Variants in CHN1 observed in about 807,000 individuals in gnomAD.
The protein encoded by CHN1 is N-chimaerin.
A neutral mutation model predicts 59.5 loss-of-function variants in CHN1; 37 were observed. The observed-to-expected ratio is 0.62, with a 90% confidence interval of 0.48 to 0.82. The LOEUF is 0.82. Among genes scored for constraint, CHN1 ranks in the 40% least tolerant of loss-of-function variants. CHN1 has a pLI of 0.00. For synonymous variants in CHN1, 206 were observed against 200.4 expected (o/e 1.03, Z -0.24); for missense variants, 469 against 571.0 (o/e 0.82, Z 1.82).
At chr2:174,990,318 T>TG (rs1342477707) in intron 1 of CHN1, among the ~76,000 whole-genome samples, 4 of 72,174 alleles carry the variant, frequency 5.5e-5, no homozygotes, top group Non-Finnish European at 8.5e-5. Context: ...TGCGAGGTCG[T>TG]GGGGGGGTGC....
chr2:174,952,942 C>T (rs1310738590), intron 1 of CHN1, among the ~76,000 whole-genome samples: 1 of 152,134 alleles, frequency 6.6e-6, no homozygotes, highest in Non-Finnish European at 1.5e-5. Flanking sequence ...GAAGAAGGGG[C>T]CAGTGTAGCT....
At chr2:174,830,583 C>T (rs1685845004) in intron 7 of CHN1, among the ~76,000 whole-genome samples, 1 of 152,226 alleles carries the variant, frequency 6.6e-6, no homozygotes, top group Non-Finnish European at 1.5e-5. Context: ...TCCTAGTCTT[C>T]TTGTCCTGAT....
At chr2:174,912,149 G>A (rs1211800078) in intron 5 of CHN1, among the ~76,000 whole-genome samples, 2 of 151,466 alleles carry the variant, frequency 1.3e-5, no homozygotes, top group South Asian at 2.1e-4. Flanking sequence ...TGAAAAGAAA[G>A]GTATGGCTCC....
chr2:174,945,971 TCTCTAC>T (rs1689823390), intron 2 of CHN1, among the ~76,000 whole-genome samples: 1 of 150,658 alleles, frequency 6.6e-6, no homozygotes, highest in African/African-American at 2.5e-5. Context: ...ATACTATCTC[TCTCTAC>T]ACACACACAC....
intron 9 of CHN1, among the ~76,000 whole-genome samples, 157 bp from the exon 10 acceptor site, chr2:174,811,745 C>T (rs560695210): frequency 5.3e-5 from 8 of 152,188 alleles, no homozygotes; most frequent in Non-Finnish European, 1.0e-4. Context: ...CGATTTCACA[C>T]ACAGTTCTTT....
intron 1 of CHN1, among the ~76,000 whole-genome samples, chr2:174,966,135 A>G (rs969037971): frequency 6.6e-6 from 1 of 152,178 alleles, no homozygotes; most frequent in Non-Finnish European, 1.5e-5. Flanking sequence ...TAAGATAATT[A>G]AAATTCACTC....
chr2:174,930,159 T>C (rs1449122732), intron 3 of CHN1, among the ~76,000 whole-genome samples: 1 of 152,234 alleles, frequency 6.6e-6, no homozygotes, highest in African/African-American at 2.4e-5. Flanking sequence ...GTCTGACCTG[T>C]GTCCAATTTA....
chr2:174,809,230 G>C (rs1337985644), intron 10 of CHN1, among the ~76,000 whole-genome samples, 188 bp from the exon 11 acceptor site: 2 of 152,070 alleles, frequency 1.3e-5, no homozygotes, highest in African/African-American at 4.8e-5. Flanking sequence ...CTGATCTCCA[G>C]CATGCCTTAC....
chr2:174,923,108 T>G (rs1689062321), intron 3 of CHN1, among the ~76,000 whole-genome samples: 1 of 152,136 alleles, frequency 6.6e-6, no homozygotes, highest in Non-Finnish European at 1.5e-5. Context: ...GTACATTAAT[T>G]ATATACCTAA....
At chr2:174,904,155 C>G (rs1028196152) in intron 5 of CHN1, among the ~76,000 whole-genome samples, 1 of 151,468 alleles carries the variant, frequency 6.6e-6, no homozygotes, top group Non-Finnish European at 1.5e-5. Flanking sequence ...CCCAGCTACT[C>G]GGGAGGCTGA....
chr2:174,912,678 A>G (rs1051926736), intron 5 of CHN1, among the ~76,000 whole-genome samples: 1 of 152,232 alleles, frequency 6.6e-6, no homozygotes, highest in Non-Finnish European at 1.5e-5. Context: ...AGTATCAGAT[A>G]AGAATAATAC....
At chr2:174,801,177 G>A (rs1324275710) in intron 12 of CHN1, among the ~76,000 whole-genome samples, 1 of 152,146 alleles carries the variant, frequency 6.6e-6, no homozygotes, top group African/African-American at 2.4e-5. Context: ...ACAATTAACT[G>A]AAATACTTCG....
chr2:174,839,452 A>G (rs1686210556), intron 7 of CHN1, among the ~76,000 whole-genome samples: 1 of 152,188 alleles, frequency 6.6e-6, no homozygotes, highest in Non-Finnish European at 1.5e-5. Context: ...GATTCCACTT[A>G]TATGAGGTAT....
Position 174,834,537 on chromosome 2 carries a change from T to G in CHN1, c.628-10019A>C, listed in dbSNP as rs556950819. Reference sequence around the variant, plus strand: ...AAAGATATATTTGCTAAATATAGGATTCAAGGTTAATAGATTTCTTTTCCT... The same window carrying G: ...AAAGATATATTTGCTAAATATAGGAGTCAAGGTTAATAGATTTCTTTTCCT... On this transcript the variant is annotated intron_variant, in intron 7 of 12. Transcript: ENST00000409900. 2.0e-5 allele frequency among the ~76,000 whole-genome samples: 3 copies of G among 152,350 alleles called. 1 individual carries two copies. Among genetic ancestry groups the G allele is most frequent in the Admixed American group, 2.0e-4 (3 of 15,308 alleles).
At chr2:174,947,793 A>T (rs1406778530) in intron 2 of CHN1, among the ~76,000 whole-genome samples, 2 of 152,206 alleles carry the variant, frequency 1.3e-5, no homozygotes, top group East Asian at 3.9e-4. Flanking sequence ...CAAGTCTTGG[A>T]TATTTTATAA....
At chr2:174,901,761 A>C (rs1023354457) in intron 5 of CHN1, among the ~76,000 whole-genome samples, 8 of 152,216 alleles carry the variant, frequency 5.3e-5, no homozygotes, top group African/African-American at 1.9e-4. Flanking sequence ...TATAGGTAAT[A>C]TTTTCCTTTT....
At chr2:174,832,805 T>C (rs1685924879) in intron 7 of CHN1, among the ~76,000 whole-genome samples, 1 of 152,116 alleles carries the variant, frequency 6.6e-6, no homozygotes, top group African/African-American at 2.4e-5. Context: ...TGGTAAAACC[T>C]ATTATGTACT....
chr2:175,001,323 G>A lies in CHN1; in HGVS notation c.19+3571C>T, dbSNP rs368926773. 1.2e-4 allele frequency among the ~76,000 whole-genome samples: 19 copies of A among 152,276 alleles called. No individual in the cohort carries two copies. The South Asian group carries it at 3.7e-3, about 30-fold the overall frequency. Reference sequence around the variant, plus strand: ...CAGTCAAATATGAAAATCTTCAATTGACTTGTCTTTTAAAAAATACATTTT... The same window carrying A: ...CAGTCAAATATGAAAATCTTCAATTAACTTGTCTTTTAAAAAATACATTTT... On this transcript the variant is annotated intron_variant, in intron 1 of 12. Transcript: ENST00000409900.
intron 9 of CHN1, chr2:174,812,016 A>C (rs1476953000): frequency 3.4e-6 from 1 of 296,404 alleles, no homozygotes; most frequent in Non-Finnish European, 6.1e-6. Context: ...AAAAATTTAA[A>C]AACTGAAAAA....
Sources: gnomAD v4.1 joint callset for allele counts (sites outside exome capture counted in the v4.1 genomes callset) on GRCh38, gnomAD v4.1.1 for gene constraint, MANE v1.5 for transcripts, NCBI Gene and HGNC (gene_info 2026-07-23, HGNC 2026-07-21) for gene names.